The following CTNNA3 variants were observed in gnomAD, a reference collection of about 807,000 sequenced individuals.
CTNNA3 encodes the protein catenin alpha-3.
A neutral mutation model predicts 95.7 loss-of-function variants in CTNNA3; 76 were observed. The ratio of observed to expected loss-of-function variants is 0.79; its 90% CI spans 0.66 to 0.96. CTNNA3 has a LOEUF of 0.96. Ranked by LOEUF, CTNNA3 falls within the 40% of genes least tolerant of loss-of-function variation. CTNNA3 has a pLI of 0.00. For missense variants in CTNNA3, 1,191 were observed against 1,089.8 expected (o/e 1.09, Z -1.31); for synonymous variants, 431 against 374.4 (o/e 1.15, Z -1.74).
chr10:67,445,932 G>GGACAAA (rs1846727654), intron 5 of CTNNA3, among the ~76,000 whole-genome samples: 1 of 152,136 alleles, frequency 6.6e-6, no homozygotes, highest in Non-Finnish European at 1.5e-5. Context: ...TTTTGTCCTA[G>GGACAAA]TGTCTGGTAC....
At chr10:67,561,800 A>C (rs1841520062) in intron 3 of CTNNA3, among the ~76,000 whole-genome samples, 1 of 152,176 alleles carries the variant, frequency 6.6e-6, no homozygotes, top group Non-Finnish European at 1.5e-5. Flanking sequence ...AAAATGATAA[A>C]GGGGATATCA....
rs1236010501 is a variant in CTNNA3, at chr10:66,201,783, CTTTTTTTTTT to C, written c.1884+78677_1884+78686del. On this transcript the variant is annotated intron_variant, in intron 13 of 17. Transcript: ENST00000433211. ...GATTGTTGCTGTCTTTTTACTTTTT[CTTTTTTTTTT>C]TTTTTTTTTTTTGAGATAGAGTTTC... Among the ~76,000 whole-genome samples the C allele has an allele frequency of 7.6e-5, 6 of 79,368 alleles. No individual in the cohort carries two copies. The Admixed American group carries it at 1.1e-3, about 14-fold the overall frequency. 52.1% of individuals were successfully genotyped at this position (79,368 alleles called of 152,430 possible).
At chr10:66,367,880 A>AATAATAATT (rs1207307669) in intron 12 of CTNNA3, among the ~76,000 whole-genome samples, 1 of 47,172 alleles carries the variant, frequency 2.1e-5, no homozygotes, top group African/African-American at 9.9e-5. Context: ...TAATAATAAT[A>AATAATAATT]ATTATTATTA....
intron 12 of CTNNA3, among the ~76,000 whole-genome samples, chr10:66,343,546 AAAAGAACAG>A (rs2092474568): frequency 6.6e-6 from 1 of 152,054 alleles, no homozygotes; most frequent in African/African-American, 2.4e-5. Context: ...TCATAGAAGT[AAAAGAACAG>A]AGGATACTGG....
chr10:67,161,242 A>C (rs982874820), intron 7 of CTNNA3, among the ~76,000 whole-genome samples: 1 of 152,122 alleles, frequency 6.6e-6, no homozygotes, highest in East Asian at 1.9e-4. Context: ...CTGAAGATCA[A>C]GAGAGAAGAA....
intron 7 of CTNNA3, among the ~76,000 whole-genome samples, chr10:66,865,109 T>C (rs1399495123): frequency 6.6e-6 from 1 of 152,104 alleles, no homozygotes; most frequent in East Asian, 1.9e-4. Flanking sequence ...ACATCATTTT[T>C]CCATACTTAT....
chr10:66,833,098 G>A (rs752196787), intron 7 of CTNNA3, among the ~76,000 whole-genome samples: 6 of 152,152 alleles, frequency 3.9e-5, no homozygotes, highest in Non-Finnish European at 7.4e-5. Flanking sequence ...TCAGATCATT[G>A]TTTCTGCCTT....
At chr10:67,177,017 C>G (rs1364840053) in intron 7 of CTNNA3, 1 of 474,046 alleles carries the variant, frequency 2.1e-6, no homozygotes, top group African/African-American at 2.0e-5. Context: ...GTTTAAGACA[C>G]TAAGTGTGTG....
intron 15 of CTNNA3, among the ~76,000 whole-genome samples, chr10:66,019,049 T>C (rs1036671631): frequency 1.3e-5 from 2 of 152,192 alleles, no homozygotes; most frequent in African/African-American, 4.8e-5. Context: ...AAGCATTTTA[T>C]ATTTTAACCA....
chr10:66,423,726 T>G (rs2093216047), intron 11 of CTNNA3, among the ~76,000 whole-genome samples: 1 of 152,200 alleles, frequency 6.6e-6, no homozygotes, highest in African/African-American at 2.4e-5. Context: ...ATAAGCCCTC[T>G]TGCCCTAAAC....
At chr10:66,844,935 T>A (rs1276944205) in intron 7 of CTNNA3, among the ~76,000 whole-genome samples, 1 of 150,238 alleles carries the variant, frequency 6.7e-6, no homozygotes, top group African/African-American at 2.5e-5. Context: ...AGGAAGAACA[T>A]GTTGGGTGGT....
chr10:67,448,183 A>T (rs536630079), intron 5 of CTNNA3, among the ~76,000 whole-genome samples: 1 of 152,320 alleles, frequency 6.6e-6, no homozygotes, highest in African/African-American at 2.4e-5. Context: ...CTAATCAAAT[A>T]ATGAGGGAGG....
At chr10:66,466,416 C>G (rs552580826) in intron 11 of CTNNA3, among the ~76,000 whole-genome samples, 1 of 151,292 alleles carries the variant, frequency 6.6e-6, no homozygotes, top group African/African-American at 2.4e-5. Flanking sequence ...GACCAATATA[C>G]TTTCATCCCT....
rs1846832016 is a variant in CTNNA3 at position 66,922,343 on chromosome 10, T to C, written c.1048-146819A>G. 2.0e-5 allele frequency among the ~76,000 whole-genome samples: 3 copies of C among 152,170 alleles called. No homozygotes were observed. The South Asian group carries it at 6.2e-4, about 32-fold the overall frequency. ...TAATCAGCTCGCTATAGTCGACAAG[T>C]AAAAGGAGAAAAAACTTTTAAAAAG... On this transcript the variant is annotated intron_variant, in intron 7 of 17. Transcript: ENST00000433211.
At chr10:66,308,379 A>G (rs1366321618) in intron 12 of CTNNA3, among the ~76,000 whole-genome samples, 1 of 152,214 alleles carries the variant, frequency 6.6e-6, no homozygotes, top group African/African-American at 2.4e-5. Flanking sequence ...ATTGAAACTT[A>G]AAAACAGAAT....
chr10:67,463,404 A>G (rs535010016), intron 5 of CTNNA3, among the ~76,000 whole-genome samples: 7 of 152,262 alleles, frequency 4.6e-5, no homozygotes, highest in Non-Finnish European at 7.4e-5. Context: ...TCTAGACCCT[A>G]CACCCAAAGA....
intron 13 of CTNNA3, among the ~76,000 whole-genome samples, chr10:66,266,603 A>G (rs905458783): frequency 1.3e-5 from 2 of 151,990 alleles, no homozygotes; most frequent in African/African-American, 4.8e-5. Flanking sequence ...AGTCCCTGAA[A>G]CTGGTGAGAC....
chr10:66,496,003 T>C lies in CTNNA3; in HGVS notation c.1531+24614A>G, dbSNP rs183878308. ...TTATTTATAGAAACTATTTCCACCA[T>C]GCAGTAATGACAACAATCTAAGGAA... On this transcript the variant is annotated intron_variant, in intron 11 of 17. Coordinates refer to ENST00000433211, the MANE Select transcript of CTNNA3 (RefSeq NM_013266.4). Among the ~76,000 whole-genome samples, 10 of 152,266 alleles carry C rather than the reference T, an allele frequency of 6.6e-5. 1 individual carries two copies. In the East Asian group the frequency reaches 1.7e-3, roughly 26 times the overall value.
intron 14 of CTNNA3, among the ~76,000 whole-genome samples, chr10:66,081,645 T>C (rs2080766999): frequency 6.6e-6 from 1 of 152,130 alleles, no homozygotes. Context: ...TAACTAAATG[T>C]GGGAGAAGGG....
Sources: gnomAD v4.1 joint callset for allele counts (sites outside exome capture counted in the v4.1 genomes callset) on GRCh38, gnomAD v4.1.1 for gene constraint, MANE v1.5 for transcripts, NCBI Gene and HGNC (gene_info 2026-07-23, HGNC 2026-07-21) for gene names.